The following BOC variants were observed in gnomAD, a reference collection of about 807,000 sequenced individuals.
BOC encodes the protein BOC cell adhesion associated, oncogene regulated.
In BOC, 76 loss-of-function variants were observed where a neutral mutation model predicts 112.0. The observed-to-expected ratio is 0.68, with a 90% CI of 0.56 to 0.82. BOC has a LOEUF of 0.82. BOC is among the 40% of genes least tolerant of loss of function. The pLI is 0.00. For missense variants in BOC, 1,309 were observed against 1,511.7 expected, an observed-to-expected ratio of 0.87 and a Z score of 2.22; for synonymous variants, 580 against 599.8, an observed-to-expected ratio of 0.97 and a Z score of 0.48.
intron 7 of BOC, 124 bp from the exon 8 acceptor site, chr3:113,272,945 G>T: frequency 7.8e-7 from 1 of 1,275,228 alleles, no homozygotes; most frequent in South Asian, 1.4e-5. Context: ...CCTCTACTCT[G>T]CCCATTAGGA....
intron 4 of BOC, among the ~76,000 whole-genome samples, chr3:113,264,781 G>A (rs1208036389): frequency 6.6e-6 from 1 of 152,180 alleles, no homozygotes; most frequent in Admixed American, 6.5e-5. Flanking sequence ...GCCAAATTGG[G>A]AGTGTTTAAG....
intron 2 of BOC, among the ~76,000 whole-genome samples, chr3:113,231,587 T>C (rs1308009066): frequency 1.3e-5 from 2 of 152,214 alleles, no homozygotes; most frequent in African/African-American, 4.8e-5. Context: ...GTACAGACTT[T>C]AGTGCATACT....
rs1039931003 is a variant in BOC, at chr3:113,278,979, G to A, written c.1816+196G>A. ...CATTGATGCTGGGATTGCTCACTGG[G>A]TGCATCCAGAGAGCAGCAGAGGCCA... On this transcript the variant is annotated intron_variant, in intron 11 of 19. Transcript: ENST00000682979. This position sits in a 1 kb window ranked among gnomAD's most constrained non-coding sequence, Gnocchi z 4.2. 4.4e-5 allele frequency: 28 copies of A among 643,620 alleles called. No individual in the cohort carries two copies. Among genetic ancestry groups the A allele is most frequent in the Non-Finnish European group, 1.3e-5 (5 of 374,350 alleles). The allele number at this position is 643,620 out of a possible 1,614,324, so 39.9% of individuals were successfully genotyped here. A position where few individuals can be genotyped will look rare whatever the true frequency, so the allele number is the denominator to read the frequency against.
chr3:113,273,476 A>C, intron 8 of BOC, 135 bp downstream of exon 8: 1 of 981,126 alleles, frequency 1.0e-6, no homozygotes, highest in Non-Finnish European at 1.4e-6. Flanking sequence ...ATTTATATGA[A>C]CTTAATAAAT....
At chr3:113,253,146 C>T (rs1382846392) in intron 4 of BOC, among the ~76,000 whole-genome samples, 1 of 152,126 alleles carries the variant, frequency 6.6e-6, no homozygotes, top group Non-Finnish European at 1.5e-5. Flanking sequence ...CAGTCTTTAT[C>T]CCTGCTCATA....
At position 113,274,545 on chromosome 3, in the gene BOC, G is replaced by A; in HGVS notation, c.1405G>A (p.Gly469Arg). ...SPQCPGEKGQ[G>R]APAEAPIILS... Reference sequence around the variant, plus strand: ...GCAGTGTCCAGGAGAGAAGGGGCAGGGGGCTCCCGCCGAGGCTCCCATCAT... The same window carrying A: ...GCAGTGTCCAGGAGAGAAGGGGCAGAGGGCTCCCGCCGAGGCTCCCATCAT... The change falls in exon 9 of 20, where the codon GGG (glycine) becomes AGG (arginine). Residue 469 changes from glycine to arginine, a missense_variant. Transcript: ENST00000682979. The surrounding 1 kb of genome is among the most constrained non-coding windows in gnomAD (Gnocchi z 4.8). 6.2e-7 allele frequency: 1 copy of A among 1,613,422 alleles called. No homozygotes were observed. Among genetic ancestry groups the A allele is most frequent in the Non-Finnish European group, 8.5e-7 (1 of 1,179,922 alleles).
chr3:113,253,597 C>CA (rs79989428), intron 4 of BOC, among the ~76,000 whole-genome samples: 29,843 of 151,614 alleles, frequency 0.2, 3,770 homozygotes, highest in East Asian at 0.46. Context: ...GTAAAGTACA[C>CA]AAAGTGTACT....
chr3:113,263,621 G>A (rs149026535), intron 4 of BOC, among the ~76,000 whole-genome samples: 46 of 152,310 alleles, frequency 3.0e-4, no homozygotes, highest in African/African-American at 1.0e-3. Context: ...AGTTGGACAC[G>A]TAAAGTCCAT....
At chr3:113,253,464 C>T (rs1309877794) in intron 4 of BOC, among the ~76,000 whole-genome samples, 1 of 151,512 alleles carries the variant, frequency 6.6e-6, no homozygotes, top group East Asian at 1.9e-4. Flanking sequence ...TGCTAGCTGT[C>T]TCGGAGGCGG....
chr3:113,227,312 C>T (rs906680758), intron 2 of BOC, among the ~76,000 whole-genome samples: 28 of 152,126 alleles, frequency 1.8e-4, no homozygotes, highest in African/African-American at 4.8e-4. Context: ...AAGGCCTCTG[C>T]GCATGGTTGG....
At chr3:113,272,856 C>T (rs1475089429) in intron 7 of BOC, among the ~76,000 whole-genome samples, 153 bp downstream of exon 7, 3 of 151,846 alleles carry the variant, frequency 2.0e-5, no homozygotes, top group South Asian at 2.1e-4. Context: ...CAGGGCTCTT[C>T]GGATCCCAGA....
chr3:113,268,392 C>G lies in BOC; in HGVS notation c.470C>G (p.Pro157Arg). ...GCCTGCCACCTGCCTGAGAGCCACC[C>G]CAAAGCCCAGGTCCGGTACAGCGTC... ...VIACHLPESH[P>R]KAQVRYSVKQ... Residue 157 changes from proline (P) to arginine (R), a missense_variant, in exon 5 of 20, where the codon CCC (proline) becomes CGC (arginine). Coordinates refer to ENST00000682979, the MANE Select transcript of BOC (RefSeq NM_001378074.1). 1 of 1,614,172 alleles carries G rather than the reference C, an allele frequency of 6.2e-7. No homozygotes were observed.
At chr3:113,271,128 G>T (rs1205612106) in intron 6 of BOC, 184 bp downstream of exon 6, 5 of 834,616 alleles carry the variant, frequency 6.0e-6, no homozygotes, top group Non-Finnish European at 9.9e-6. Context: ...GCCGGCCTCA[G>T]GGCCAGCATC....
In BOC at chr3:113,258,951, A is replaced by G. The variant is rs772141930; in HGVS notation, c.376+8118A>G. On this transcript the variant is annotated intron_variant, in intron 4 of 19. Transcript: ENST00000682979. The stretch of plus-strand genomic sequence containing the variant: ...CCTTATAGCTTTAGGACAAAGTTAC[A>G]TCAACGCTTTCTGTTTTCTACTGGA... Among the ~76,000 whole-genome samples, 27 of 152,260 alleles carry G rather than the reference A, an allele frequency of 1.8e-4. 1 individual carries two copies. Among genetic ancestry groups the G allele is most frequent in the Non-Finnish European group, 2.9e-5 (2 of 68,048 alleles).
chr3:113,280,388 C>G (rs1217337708), intron 13 of BOC, among the ~76,000 whole-genome samples, 170 bp from the exon 14 acceptor site: 2 of 152,288 alleles, frequency 1.3e-5, no homozygotes, highest in East Asian at 3.9e-4. Context: ...AATGAGTAAT[C>G]TTTACAACAT....
rs562712108 is a variant in BOC at position 113,272,772 on chromosome 3, T to C, written c.961+69T>C. ...GGTCTGTGCAGCCTTTCTAGAAATG[T>C]AACCCAGGCTCACAAAGGGTTAGCA... is the stretch of plus-strand genomic sequence containing the variant. On this transcript the variant is annotated intron_variant, in intron 7 of 19. Coordinates refer to ENST00000682979, the MANE Select transcript of BOC (RefSeq NM_001378074.1). The C allele has an allele frequency of 1.5e-5, 23 of 1,539,134 alleles. No individual in the cohort carries two copies. The South Asian group carries it at 2.8e-4, about 19-fold the overall frequency.
intron 2 of BOC, among the ~76,000 whole-genome samples, chr3:113,230,943 A>AT (rs1412089598): frequency 2.0e-5 from 3 of 152,188 alleles, no homozygotes; most frequent in African/African-American, 7.2e-5. Flanking sequence ...TATTAAATGT[A>AT]TTTTCTTCTT....
chr3:113,261,388 C>T (rs1381193559), intron 4 of BOC, among the ~76,000 whole-genome samples: 2 of 152,172 alleles, frequency 1.3e-5, no homozygotes, highest in Non-Finnish European at 2.9e-5. Flanking sequence ...TTTTTTCCTT[C>T]TGCTCTTTCT....
chr3:113,268,166 C>T, intron 4 of BOC, 133 bp from the exon 5 acceptor site: 2 of 1,383,426 alleles, frequency 1.4e-6, no homozygotes. Flanking sequence ...GGAGGAAGAA[C>T]TCGGAGGATC....
Sources: allele counts gnomAD v4.1 joint callset (sites outside exome capture counted in the v4.1 genomes callset), GRCh38; gene constraint gnomAD v4.1.1; non-coding constraint Gnocchi (gnomAD v3.1); transcripts MANE v1.5; gene names NCBI Gene and HGNC (gene_info 2026-07-23, HGNC 2026-07-21).